The following FMN2 variants were observed in gnomAD, a reference collection of about 807,000 sequenced individuals.
The protein encoded by FMN2 is formin 2.
A neutral mutation model predicts 142.3 loss-of-function variants in FMN2; 51 were observed. That is an observed-to-expected ratio of 0.36 (90% CI 0.29 to 0.45). The LOEUF (loss-of-function observed/expected upper bound fraction) is 0.45. Ranked by LOEUF, FMN2 falls within the 20% of genes least tolerant of loss-of-function variation. FMN2 has a pLI of 1.00. For missense variants in FMN2, 1,936 were observed against 2,122.8 expected (o/e 0.91, Z 1.73); for synonymous variants, 882 against 869.8 (o/e 1.01, Z -0.25).
At chr1:240,123,450 A>C in intron 2 of FMN2, 105 bp downstream of exon 2, 1 of 1,175,280 alleles carries the variant, frequency 8.5e-7, no homozygotes, top group East Asian at 2.7e-5. Context: ...ACAACATGTG[A>C]TTCAAGCATT....
intron 7 of FMN2, chr1:240,285,196 T>A (rs1305969835): frequency 2.2e-5 from 10 of 454,188 alleles, no homozygotes; most frequent in Non-Finnish European, 2.7e-5. Context: ...GGGGTGGGTG[T>A]GGTGAGGTGA....
intron 4 of FMN2, among the ~76,000 whole-genome samples, chr1:240,204,227 A>C (rs71646824): frequency 0.018 from 2,664 of 152,194 alleles, 30 homozygotes; most frequent in African/African-American, 0.032. Flanking sequence ...AGCAAACATC[A>C]TGATTGACCT....
intron 7 of FMN2, among the ~76,000 whole-genome samples, chr1:240,271,874 AAATGAATTAT>A (rs1391515125): frequency 2.0e-5 from 3 of 152,190 alleles, no homozygotes; most frequent in Non-Finnish European, 4.4e-5. Flanking sequence ...GATCAAGGTC[AAATGAATTAT>A]AATGTCTTTT....
chr1:240,124,238 G>C (rs1050315389), intron 2 of FMN2, among the ~76,000 whole-genome samples: 1 of 152,160 alleles, frequency 6.6e-6, no homozygotes, highest in Non-Finnish European at 1.5e-5. Flanking sequence ...GTATGACTTG[G>C]CTGGTCGTAG....
Position 240,355,951 on chromosome 1 carries a change from C to CAAAAAAAAAAAAAA in FMN2, c.4858+65_4858+78dup, listed in dbSNP as rs58002724. 5.2e-4 allele frequency: 132 copies of CAAAAAAAAAAAAAA among 252,860 alleles called. 5 individuals are homozygous for CAAAAAAAAAAAAAA. Among genetic ancestry groups the CAAAAAAAAAAAAAA allele is most frequent in the African/African-American group, 1.5e-3 (40 of 25,934 alleles). 15.7% of individuals were successfully genotyped at this position (252,860 alleles called of 1,614,324 possible). A position where few individuals can be genotyped will look rare whatever the true frequency, so the allele number is the denominator to read the frequency against. On this transcript the variant is annotated intron_variant, in intron 14 of 17. Transcript: ENST00000319653. ...GTGTTATGTTTTTCTCCCCTTTCAG[C>CAAAAAAAAAAAAAA]AAAAAAAAAAAAAAAAAAAAAAAAA...
chr1:240,169,465 ATTGTT>A (rs1035403699), intron 2 of FMN2, among the ~76,000 whole-genome samples: 3 of 151,954 alleles, frequency 2.0e-5, no homozygotes, highest in African/African-American at 7.2e-5. Context: ...TTGATTTGAT[ATTGTT>A]TTGTTTTGTT....
intron 6 of FMN2, among the ~76,000 whole-genome samples, chr1:240,212,042 GA>G (rs142642286): frequency 0.036 from 5,495 of 152,190 alleles, 135 homozygotes; most frequent in Middle Eastern, 0.068. Flanking sequence ...AGAGGTCTTG[GA>G]AGCAAAGGAA....
intron 2 of FMN2, among the ~76,000 whole-genome samples, chr1:240,152,306 T>TA (rs5782121): frequency 0.46 from 66,994 of 145,876 alleles, 16,181 homozygotes; most frequent in South Asian, 0.65. Flanking sequence ...CGAGCTCATT[T>TA]AAAAAAAAAA....
intron 6 of FMN2, among the ~76,000 whole-genome samples, chr1:240,222,207 A>G (rs1667145575): frequency 6.6e-6 from 1 of 152,044 alleles, no homozygotes; most frequent in African/African-American, 2.4e-5. Flanking sequence ...TTTTCTGCAT[A>G]TGGCTGCCAG....
chr1:240,259,487 CTTTTTT>C (rs35655150), intron 7 of FMN2, among the ~76,000 whole-genome samples: 1 of 134,262 alleles, frequency 7.4e-6, no homozygotes, highest in Admixed American at 7.6e-5. Context: ...ACCCTGTACA[CTTTTTT>C]TTTTTTTTTT....
At chr1:240,419,153 A>G (rs528541163) in intron 15 of FMN2, among the ~76,000 whole-genome samples, 3 of 152,320 alleles carry the variant, frequency 2.0e-5, no homozygotes, top group Admixed American at 2.0e-4. Context: ...TTACAGGCAG[A>G]TATGTCAGTT....
At chr1:240,126,685 T>A (rs1158242026) in intron 2 of FMN2, among the ~76,000 whole-genome samples, 1 of 152,214 alleles carries the variant, frequency 6.6e-6, no homozygotes, top group Admixed American at 6.5e-5. Flanking sequence ...CTTTGAGGGA[T>A]GCTGTTAATT....
chr1:240,297,924 A>T (rs1001334062), intron 8 of FMN2, among the ~76,000 whole-genome samples: 3 of 152,256 alleles, frequency 2.0e-5, no homozygotes, highest in African/African-American at 7.2e-5. Context: ...GTAACCTCAC[A>T]TGGTAGAAGG....
rs1661066236 is a variant in FMN2 at position 240,093,180 on chromosome 1, G to T, written c.1071G>T (p.Ala357=). 19 of 1,453,768 alleles carry T rather than the reference G, an allele frequency of 1.3e-5. No homozygotes were observed. The highest frequency in any genetic ancestry group is 1.6e-5 in the Non-Finnish European group (18 of 1,106,680). The allele number at this position is 1,453,768 out of a possible 1,614,324, so 90.1% of individuals were successfully genotyped here. A position where few individuals can be genotyped will look rare whatever the true frequency, so the allele number is the denominator to read the frequency against. ...GTGAGGAGGATGCTTTTGAGGATGC[G>T]CCCCGGGGCTCTCCGGGGGAGGAGT... ...EEGEEDAFED[A]PRGSPGEEWA... The change falls in exon 1 of 18, where the codon GCG becomes GCT. Residue 357 remains alanine, a synonymous_variant. Transcript: ENST00000319653.
At chr1:240,123,759 T>G (rs780688015) in intron 2 of FMN2, among the ~76,000 whole-genome samples, 2 of 152,214 alleles carry the variant, frequency 1.3e-5, no homozygotes, top group Non-Finnish European at 2.9e-5. Flanking sequence ...ACCACCACCA[T>G]CCATCTTTAG....
At chr1:240,227,233 G>C (rs998989752) in intron 6 of FMN2, among the ~76,000 whole-genome samples, 2 of 152,132 alleles carry the variant, frequency 1.3e-5, no homozygotes, top group African/African-American at 2.4e-5. Context: ...AGATACTGAA[G>C]TATGGATTTT....
chr1:240,464,892 C>G (rs1676562876), intron 16 of FMN2, among the ~76,000 whole-genome samples: 1 of 152,074 alleles, frequency 6.6e-6, no homozygotes, highest in African/African-American at 2.4e-5. Context: ...AGTTGTGATT[C>G]CTGATCATTT....
intron 6 of FMN2, among the ~76,000 whole-genome samples, chr1:240,216,961 A>AG (rs1177404981): frequency 1.3e-5 from 2 of 150,802 alleles, no homozygotes; most frequent in Non-Finnish European, 3.0e-5. Flanking sequence ...AAAAAAAAAA[A>AG]GTTATAAAAA....
chr1:240,105,744 GTATC>G (rs1440965179), intron 1 of FMN2, among the ~76,000 whole-genome samples: 1 of 152,048 alleles, frequency 6.6e-6, no homozygotes, highest in African/African-American at 2.4e-5. Context: ...AATGTTTTCA[GTATC>G]TATCAGGTAT....
Sources: allele counts gnomAD v4.1 joint callset (sites outside exome capture counted in the v4.1 genomes callset), GRCh38; gene constraint gnomAD v4.1.1; transcripts MANE v1.5; gene names NCBI Gene and HGNC (gene_info 2026-07-23, HGNC 2026-07-21).